The following EVC variants were observed in gnomAD, a reference collection of about 807,000 sequenced individuals.
EVC encodes EvC ciliary complex subunit 1.
Under a neutral mutation model 118.9 loss-of-function variants are expected in EVC, and 116 were observed. The ratio of observed to expected loss-of-function variants is 0.98; its 90% CI spans 0.84 to 1.14. The LOEUF (loss-of-function observed/expected upper bound fraction) is 1.14. EVC is among the 50% of genes most tolerant of loss of function. The pLI is 0.00. For missense variants in EVC, 1,401 were observed against 1,246.4 expected (o/e 1.12, Z -1.87); for synonymous variants, 619 against 534.7 (o/e 1.16, Z -2.18).
intron 11 of EVC, among the ~76,000 whole-genome samples, chr4:5,759,142 A>G (rs969797385): frequency 2.6e-5 from 4 of 152,070 alleles, no homozygotes; most frequent in Admixed American, 6.5e-5. Context: ...CACATGTCTC[A>G]TTAGCATCTT....
rs139931919 is a variant in EVC at position 5,731,482 on chromosome 4, T to C, written c.442T>C (p.Leu148=). The part of the protein sequence containing the change: ...SLHENLKQAV[L]PHQPVEASPS... ...GCATGAAAACTTAAAGCAGGCTGTTTTGCCACACCAGCCGGTAGAGGCCTC... is the reference window on the plus strand; with the variant it reads ...GCATGAAAACTTAAAGCAGGCTGTTCTGCCACACCAGCCGGTAGAGGCCTC... Residue 148 remains leucine, a synonymous_variant, in exon 4 of 21, where the codon TTG becomes CTG. Transcript: ENST00000264956. This position sits in a 1 kb window ranked among gnomAD's most constrained non-coding sequence, Gnocchi z 5.6. 3.2e-4 allele frequency: 519 copies of C among 1,613,474 alleles called. 1 individual carries two copies. The highest frequency in any genetic ancestry group is 6.0e-4 in the Admixed American group (36 of 59,962).
intron 6 of EVC, 63 bp downstream of exon 6, chr4:5,741,877 A>G: frequency 1.2e-6 from 1 of 860,384 alleles, no homozygotes; most frequent in Non-Finnish European, 1.8e-6. Context: ...TATACAACTT[A>G]TGATGCAAAA....
chr4:5,790,203 A>T (rs920675573), intron 12 of EVC, among the ~76,000 whole-genome samples: 24 of 150,996 alleles, frequency 1.6e-4, no homozygotes, highest in Non-Finnish European at 3.2e-4. Flanking sequence ...AAAGACAACG[A>T]TGACTGTGCA....
chr4:5,732,978 C>T (rs1039902410), intron 4 of EVC, among the ~76,000 whole-genome samples: 2 of 152,136 alleles, frequency 1.3e-5, no homozygotes, highest in Non-Finnish European at 2.9e-5. Flanking sequence ...CCACTGCACT[C>T]CAGCCTGGGA....
At chr4:5,818,682 T>G (rs946224644), downstream of EVC, among the ~76,000 whole-genome samples, 4 of 152,196 alleles carry the variant, frequency 2.6e-5, no homozygotes, top group African/African-American at 9.7e-5. Flanking sequence ...CCTCACCATG[T>G]GATGCCCTGC....
chr4:5,804,914 C>T (rs1487961451), intron 17 of EVC, 73 bp downstream of exon 17: 40 of 1,348,932 alleles, frequency 3.0e-5, no homozygotes, highest in South Asian at 3.5e-5. Flanking sequence ...TCTGTGGTGC[C>T]GTCAGCAGGT....
At chr4:5,752,624 C>T (rs1329476365) in intron 8 of EVC, 1 of 638,104 alleles carries the variant, frequency 1.6e-6, no homozygotes, top group Non-Finnish European at 2.8e-6. Context: ...CGTCAGCCTC[C>T]CCGCACCCTA....
At chr4:5,724,446 TC>T (rs775562077) in intron 2 of EVC, among the ~76,000 whole-genome samples, 2 of 152,200 alleles carry the variant, frequency 1.3e-5, no homozygotes, top group African/African-American at 4.8e-5. Context: ...CCTTTAAACT[TC>T]ATGGCACTTA....
chr4:5,827,956 G>T, the EVC span: 4 of 820,024 alleles, frequency 4.9e-6, no homozygotes, highest in Non-Finnish European at 5.9e-6. Flanking sequence ...TCAGTGCTAA[G>T]GTTGTTCAAG....
chr4:5,820,748 G>C, the EVC span: 1 of 152,172 alleles, frequency 6.6e-6, no homozygotes, highest in Non-Finnish European at 1.5e-5. Context: ...ACCCAATCCA[G>C]ACACCACCAC....
chr4:5,783,769 G>C lies in EVC; in HGVS notation c.1776+5G>C, dbSNP rs968001713. 2 of 1,603,996 alleles carry C rather than the reference G, an allele frequency of 1.2e-6. No homozygotes were observed. The highest frequency in any genetic ancestry group is 1.1e-5 in the South Asian group (1 of 89,600). Reference sequence around the variant, plus strand: ...CTCCTAGAGCAAGACCAGCAGGTGCGGGCATTTGGGAACCCAGGGGCTGGG... The same window carrying C: ...CTCCTAGAGCAAGACCAGCAGGTGCCGGCATTTGGGAACCCAGGGGCTGGG... On this transcript the variant is annotated splice_donor_5th_base_variant and intron_variant, in intron 12 of 20. Coordinates refer to ENST00000264956, the MANE Select transcript of EVC (RefSeq NM_153717.3).
chr4:5,735,045 A>C (rs558718538), intron 5 of EVC, among the ~76,000 whole-genome samples: 9 of 152,278 alleles, frequency 5.9e-5, no homozygotes, highest in South Asian at 2.1e-4. Context: ...TCCTGGAGGG[A>C]GCGTTCAGCA....
At chr4:5,730,000 G>C (rs1308083921) in intron 3 of EVC, among the ~76,000 whole-genome samples, 1 of 152,154 alleles carries the variant, frequency 6.6e-6, no homozygotes, top group Non-Finnish European at 1.5e-5. Flanking sequence ...GTGCAAAAAA[G>C]TTTCCTAGTG....
the EVC span, among the ~76,000 whole-genome samples, chr4:5,827,665 CACAT>C: frequency 1.3e-5 from 2 of 152,054 alleles, no homozygotes; most frequent in South Asian, 2.1e-4. Context: ...CCCATATGCA[CACAT>C]ACACACGTGC....
rs372352909 is a variant in EVC at position 5,756,193 on chromosome 4, G to C, written c.1465-71G>C. 8.1e-7 allele frequency: 1 copy of C among 1,229,646 alleles called. No homozygotes were observed. Among genetic ancestry groups the C allele is most frequent in the South Asian group, 1.3e-5 (1 of 77,292 alleles). The allele number at this position is 1,229,646 out of a possible 1,614,324, so 76.2% of individuals were successfully genotyped here. A position where few individuals can be genotyped will look rare whatever the true frequency, so the allele number is the denominator to read the frequency against. The stretch of plus-strand genomic sequence containing the variant: ...TAACCTGAGATGCAGGGGATGGTTG[G>C]AGAACCTTCTGGAAAAAAAAAAAAA... On this transcript the variant is annotated intron_variant, in intron 10 of 20. Coordinates refer to ENST00000264956, the MANE Select transcript of EVC (RefSeq NM_153717.3). This position sits in a 1 kb window ranked among gnomAD's most constrained non-coding sequence, Gnocchi z 4.2.
At chr4:5,757,531 C>T (rs1282049719) in intron 11 of EVC, among the ~76,000 whole-genome samples, 1 of 152,218 alleles carries the variant, frequency 6.6e-6, no homozygotes, top group African/African-American at 2.4e-5. Flanking sequence ...GAGGCTGAAG[C>T]CCGAGATCAC....
At chr4:5,716,960 C>T (rs1287909238) in intron 1 of EVC, among the ~76,000 whole-genome samples, 1 of 152,150 alleles carries the variant, frequency 6.6e-6, no homozygotes, top group Non-Finnish European at 1.5e-5. Context: ...GAAATTGCAC[C>T]ACGATGGTGT....
At chr4:5,718,438 C>T (rs1213601578) in intron 1 of EVC, among the ~76,000 whole-genome samples, 4 of 152,058 alleles carry the variant, frequency 2.6e-5, no homozygotes, top group Non-Finnish European at 4.4e-5. Flanking sequence ...TCTTGTGTTT[C>T]GGGAGACTAG....
chr4:5,725,774 C>T lies in EVC; in HGVS notation c.301-3533C>T, dbSNP rs141474327. Among the ~76,000 whole-genome samples, 627 of 152,216 alleles carry T rather than the reference C, an allele frequency of 4.1e-3. 6 individuals are homozygous for T. Among genetic ancestry groups the T allele is most frequent in the African/African-American group, 0.014 (569 of 41,534 alleles). On this transcript the variant is annotated intron_variant, in intron 2 of 20. Transcript: ENST00000264956. ...TTGCGGTTGTTTTTGGCATTTTTGT[C>T]GTGAAATCTTTGCCTGTGCCTGTGT...
Sources: gnomAD v4.1 joint callset for allele counts (sites outside exome capture counted in the v4.1 genomes callset) on GRCh38, gnomAD v4.1.1 for gene constraint, Gnocchi (gnomAD v3.1) non-coding constraint, MANE v1.5 for transcripts, NCBI Gene and HGNC (gene_info 2026-07-23, HGNC 2026-07-21) for gene names.